TMC1: variants seen among roughly 807,000 people sequenced by gnomAD.
TMC1 encodes transmembrane channel like 1.
Under a neutral mutation model 105.8 loss-of-function variants are expected in TMC1, and 84 were observed. That is an observed-to-expected ratio of 0.79 (90% CI 0.67 to 0.95). The LOEUF (loss-of-function observed/expected upper bound fraction) is 0.95, where lower values mean the gene tolerates loss of function less well. Ranked by LOEUF, TMC1 falls within the 40% of genes least tolerant of loss-of-function variation. The pLI is 0.00. For synonymous variants in TMC1, 315 were observed against 311.5 expected (o/e 1.01, Z -0.12); for missense variants, 817 against 914.1 (o/e 0.89, Z 1.37).
intron 12 of TMC1, among the ~76,000 whole-genome samples, chr9:72,770,442 G>A (rs1217511753): frequency 4.7e-5 from 6 of 128,706 alleles, no homozygotes; most frequent in South Asian, 2.5e-4. Flanking sequence ...TTTTTGAGAC[G>A]GGGTCTCACT....
intron 1 of TMC1, among the ~76,000 whole-genome samples, chr9:72,531,568 G>T (rs1026982816): frequency 6.6e-6 from 1 of 152,134 alleles, no homozygotes; most frequent in East Asian, 1.9e-4. Context: ...GTTCAGCTCT[G>T]CACCTCTCTT....
At position 72,671,696 on chromosome 9, in the gene TMC1, C is replaced by T. The variant is rs190410563; in HGVS notation, c.17-17013C>T. 2.6e-3 allele frequency among the ~76,000 whole-genome samples: 393 copies of T among 152,160 alleles called. 4 individuals are homozygous for T. The highest frequency in any genetic ancestry group is 8.8e-3 in the African/African-American group (365 of 41,494). ...GGGGTGTCCTGGAATCAATCCCCCT[C>T]AGATACCAAAGGATGACTGTATATT... On this transcript the variant is annotated intron_variant, in intron 5 of 23. Coordinates refer to ENST00000297784, the MANE Select transcript of TMC1 (RefSeq NM_138691.3).
intron 6 of TMC1, among the ~76,000 whole-genome samples, chr9:72,693,702 T>C (rs1252784485): frequency 1.1e-4 from 17 of 152,124 alleles, no homozygotes; most frequent in Admixed American, 1.0e-3. Flanking sequence ...TTAGGAGCAA[T>C]AGAAATGAAA....
intron 1 of TMC1, among the ~76,000 whole-genome samples, chr9:72,525,769 C>G (rs188917010): frequency 6.6e-6 from 1 of 152,354 alleles, no homozygotes; most frequent in Admixed American, 6.5e-5. Flanking sequence ...GGGCAGATCA[C>G]TTGAGGTCAG....
chr9:72,800,479 T>G (rs1182211152), intron 17 of TMC1, among the ~76,000 whole-genome samples: 1 of 151,944 alleles, frequency 6.6e-6, no homozygotes, highest in Non-Finnish European at 1.5e-5. Context: ...ACTTCTGGAG[T>G]GAAGGAATGG....
At chr9:72,603,024 A>G (rs1322686207) in intron 2 of TMC1, among the ~76,000 whole-genome samples, 1 of 152,188 alleles carries the variant, frequency 6.6e-6, no homozygotes, top group Non-Finnish European at 1.5e-5. Context: ...AGTATTGTGT[A>G]TATGGAGGTG....
intron 18 of TMC1, among the ~76,000 whole-genome samples, chr9:72,807,187 A>T (rs1828614485): frequency 6.6e-6 from 1 of 152,218 alleles, no homozygotes; most frequent in Non-Finnish European, 1.5e-5. Context: ...GGTTGCAGTG[A>T]GCCGAGATGG....
At chr9:72,761,877 G>A (rs1363374101) in intron 12 of TMC1, among the ~76,000 whole-genome samples, 2 of 152,136 alleles carry the variant, frequency 1.3e-5, no homozygotes, top group South Asian at 2.1e-4. Context: ...TGATTCACAC[G>A]TGGAATAACA....
chr9:72,799,337 CAT>C (rs1295490573), intron 17 of TMC1, among the ~76,000 whole-genome samples: 3 of 151,846 alleles, frequency 2.0e-5, no homozygotes, highest in Admixed American at 2.0e-4. Context: ...GGTAAGATAA[CAT>C]AAAAATTGAA....
chr9:72,693,391 A>C (rs1456684121), intron 6 of TMC1, among the ~76,000 whole-genome samples: 1 of 152,216 alleles, frequency 6.6e-6, no homozygotes, highest in East Asian at 1.9e-4. Context: ...TATTGAAATG[A>C]TTGTACAAAT....
chr9:72,549,008 G>A (rs538975680), intron 1 of TMC1, among the ~76,000 whole-genome samples: 34 of 152,250 alleles, frequency 2.2e-4, no homozygotes, highest in Non-Finnish European at 4.6e-4. Flanking sequence ...GCACATAGTG[G>A]ACATGAAATA....
intron 1 of TMC1, among the ~76,000 whole-genome samples, chr9:72,560,689 G>C (rs565595480): frequency 1.3e-5 from 2 of 151,914 alleles, no homozygotes; most frequent in African/African-American, 4.8e-5. Flanking sequence ...TAGTAGAGAC[G>C]GGGTTTTACC....
At chr9:72,736,773 T>C (rs1254107786) in intron 8 of TMC1, among the ~76,000 whole-genome samples, 2 of 152,158 alleles carry the variant, frequency 1.3e-5, no homozygotes, top group Admixed American at 6.5e-5. Context: ...AATTCTGCCG[T>C]AACATGATGT....
At chr9:72,641,810 CTTTTTT>C (rs896125209) in intron 4 of TMC1, among the ~76,000 whole-genome samples, 1 of 86,996 alleles carries the variant, frequency 1.1e-5, no homozygotes, top group African/African-American at 4.7e-5. Context: ...AGTCCCAAAT[CTTTTTT>C]TTTTTTTTTT....
rs1281948940 is a variant in TMC1, at chr9:72,597,843, C to T, written c.-305-18525C>T. On this transcript the variant is annotated intron_variant, in intron 2 of 23. Transcript: ENST00000297784. ...GATTACTGTCGGTTCAGGCCTGGCT[C>T]CTGCTTTCAGCTTGTGGGAAAACTC... Among the ~76,000 whole-genome samples the T allele has an allele frequency of 3.9e-5, 6 of 152,152 alleles. No individual in the cohort carries two copies. The South Asian group carries it at 1.0e-3, about 26-fold the overall frequency.
intron 1 of TMC1, among the ~76,000 whole-genome samples, chr9:72,526,445 A>G (rs1018671195): frequency 6.6e-6 from 1 of 152,322 alleles, no homozygotes; most frequent in East Asian, 1.9e-4. Flanking sequence ...CTACTTAATC[A>G]TGTAAGCCTG....
chr9:72,534,881 A>C (rs1321518454), intron 1 of TMC1, among the ~76,000 whole-genome samples: 8 of 152,250 alleles, frequency 5.3e-5, no homozygotes, highest in Admixed American at 5.2e-4. Context: ...AAAGATTTAG[A>C]GTATTCAAAG....
intron 6 of TMC1, among the ~76,000 whole-genome samples, chr9:72,692,103 T>C (rs1216841359): frequency 3.9e-5 from 6 of 152,156 alleles, no homozygotes; most frequent in African/African-American, 1.4e-4. Flanking sequence ...CTGTGCTAAA[T>C]TGGGGGAGTG....
At chr9:72,737,482 C>T (rs921928574) in intron 8 of TMC1, among the ~76,000 whole-genome samples, 10 of 152,252 alleles carry the variant, frequency 6.6e-5, no homozygotes, top group African/African-American at 2.4e-4. Flanking sequence ...ACTGAGGAAA[C>T]CTGTGTCAGA....
Sources: gnomAD v4.1 joint callset for allele counts (sites outside exome capture counted in the v4.1 genomes callset) on GRCh38, gnomAD v4.1.1 for gene constraint, MANE v1.5 for transcripts, NCBI Gene and HGNC (gene_info 2026-07-23, HGNC 2026-07-21) for gene names.